The following AEBP2 variants were observed in gnomAD, a reference collection of about 807,000 sequenced individuals.
AEBP2 encodes the protein AE binding protein 2, also known as zinc finger protein AEBP2.
Under a neutral mutation model 50.8 loss-of-function variants are expected in AEBP2, and 10 were observed. The observed-to-expected ratio is 0.20, with a 90% CI of 0.12 to 0.33. AEBP2 has a LOEUF of 0.33. Among genes scored for constraint, AEBP2 ranks in the 10% least tolerant of loss-of-function variants. The pLI, the probability that AEBP2 is intolerant of heterozygous loss-of-function variation, is 1.00. For synonymous variants in AEBP2, 296 were observed against 261.3 expected, an observed-to-expected ratio of 1.13 and a Z score of -1.28; for missense variants, 570 against 688.0, an observed-to-expected ratio of 0.83 and a Z score of 1.92.
At chr12:19,494,936 TCA>T (rs1948949160) in intron 4 of AEBP2, among the ~76,000 whole-genome samples, 1 of 152,128 alleles carries the variant, frequency 6.6e-6, no homozygotes, top group Non-Finnish European at 1.5e-5. Context: ...TGATGGGGTC[TCA>T]CACTGTCGCC....
chr12:19,422,570 C>T (rs187334953), intron 1 of AEBP2, among the ~76,000 whole-genome samples: 67 of 151,872 alleles, frequency 4.4e-4, no homozygotes, highest in African/African-American at 1.6e-3. Context: ...AATATTGGCT[C>T]ACTGCAACGT....
intron 6 of AEBP2, among the ~76,000 whole-genome samples, chr12:19,514,073 C>T (rs1246904281): frequency 6.6e-6 from 1 of 151,524 alleles, no homozygotes; most frequent in African/African-American, 2.4e-5. Flanking sequence ...ACTCTTGGCT[C>T]ACTGCAACCT....
At chr12:19,419,903 C>G (rs1489508055) in intron 1 of AEBP2, among the ~76,000 whole-genome samples, 1 of 152,144 alleles carries the variant, frequency 6.6e-6, no homozygotes, top group African/African-American at 2.4e-5. Context: ...GCGCTCCAGC[C>G]TGGGCCACAG....
At chr12:19,481,127 G>A (rs1473086872) in intron 3 of AEBP2, among the ~76,000 whole-genome samples, 3 of 106,978 alleles carry the variant, frequency 2.8e-5, no homozygotes, top group Middle Eastern at 0.017. Context: ...TTGAGACCGA[G>A]TCTCACTCTG....
At chr12:19,469,380 C>T (rs941088144) in intron 2 of AEBP2, among the ~76,000 whole-genome samples, 5 of 152,070 alleles carry the variant, frequency 3.3e-5, no homozygotes, top group African/African-American at 1.2e-4. Context: ...GATAATATAA[C>T]ATCTTATATT....
At chr12:19,507,026 A>C (rs935783128) in intron 5 of AEBP2, among the ~76,000 whole-genome samples, 5 of 152,168 alleles carry the variant, frequency 3.3e-5, no homozygotes, top group Admixed American at 3.3e-4. Context: ...TCTGTCACTT[A>C]GGCTGATGGC....
At chr12:19,469,812 G>T (rs1007278807) in intron 2 of AEBP2, among the ~76,000 whole-genome samples, 2 of 152,160 alleles carry the variant, frequency 1.3e-5, no homozygotes, top group African/African-American at 4.8e-5. Context: ...TACCATGAGA[G>T]ACTGGACTTG....
intron 3 of AEBP2, among the ~76,000 whole-genome samples, chr12:19,479,021 C>A (rs935402406): frequency 6.6e-6 from 1 of 152,030 alleles, no homozygotes; most frequent in African/African-American, 2.4e-5. Context: ...CCAGCCTGGG[C>A]AACATGGCAA....
chr12:19,453,875 C>G (rs919190550), intron 1 of AEBP2, among the ~76,000 whole-genome samples: 3 of 152,002 alleles, frequency 2.0e-5, no homozygotes, highest in South Asian at 4.2e-4. Context: ...CAGCTCACTG[C>G]AAACTCCACC....
At chr12:19,431,024 A>AAG (rs1412361306) in intron 1 of AEBP2, among the ~76,000 whole-genome samples, 1 of 151,428 alleles carries the variant, frequency 6.6e-6, no homozygotes, top group African/African-American at 2.4e-5. Flanking sequence ...AAAAAAAAAA[A>AAG]GAAAAAAATT....
intron 2 of AEBP2, among the ~76,000 whole-genome samples, chr12:19,470,565 G>C (rs1250874983): frequency 6.6e-6 from 1 of 152,094 alleles, no homozygotes; most frequent in Non-Finnish European, 1.5e-5. Context: ...TGAAGATTTT[G>C]GTTTTTCTTT....
intron 1 of AEBP2, among the ~76,000 whole-genome samples, chr12:19,460,231 A>G (rs1204240662): frequency 6.6e-6 from 1 of 152,130 alleles, no homozygotes; most frequent in African/African-American, 2.4e-5. Context: ...ACCCCTCACA[A>G]TAGGTACATT....
intron 1 of AEBP2, among the ~76,000 whole-genome samples, chr12:19,449,740 C>T: frequency 6.6e-6 from 1 of 152,064 alleles, no homozygotes; most frequent in Middle Eastern, 3.2e-3. Flanking sequence ...TTGGTTTTGG[C>T]TAATGATTTT....
intron 1 of AEBP2, among the ~76,000 whole-genome samples, chr12:19,417,218 C>CA (rs2095743116): frequency 6.6e-6 from 1 of 151,966 alleles, no homozygotes; most frequent in Non-Finnish European, 1.5e-5. Flanking sequence ...TTTTACTTAC[C>CA]ACACACTCCA....
intron 1 of AEBP2, among the ~76,000 whole-genome samples, chr12:19,409,044 G>A (rs942058730): frequency 1.3e-5 from 2 of 151,976 alleles, no homozygotes; most frequent in Admixed American, 6.6e-5. Context: ...CTGGCATAGA[G>A]TTTGGCATAG....
chr12:19,457,214 A>C (rs1948284590), intron 1 of AEBP2: 3 of 1,598,336 alleles, frequency 1.9e-6, no homozygotes, highest in Admixed American at 3.3e-5. Flanking sequence ...CCCAGTGTGT[A>C]AGCCAAAAGG....
intron 1 of AEBP2, among the ~76,000 whole-genome samples, chr12:19,459,614 A>G (rs1250489704): frequency 6.6e-6 from 1 of 152,228 alleles, no homozygotes; most frequent in Non-Finnish European, 1.5e-5. Context: ...TAGTCTTGCA[A>G]CAACAAACAA....
At chr12:19,454,162 T>C (rs1259870795) in intron 1 of AEBP2, among the ~76,000 whole-genome samples, 1 of 152,162 alleles carries the variant, frequency 6.6e-6, no homozygotes, top group Non-Finnish European at 1.5e-5. Flanking sequence ...AGTGCTGGGA[T>C]TAACAGATGT....
Position 19,462,441 on chromosome 12 carries a change from ATATT to A in AEBP2, c.672-65_672-62del, listed in dbSNP as rs1244581051. 9.3e-6 allele frequency: 12 copies of A among 1,296,558 alleles called. 1 individual carries two copies. Among genetic ancestry groups the A allele is most frequent in the East Asian group, 2.5e-5 (1 of 39,516 alleles). 80.3% of individuals were successfully genotyped at this position (1,296,558 alleles called of 1,614,324 possible). A position where few individuals can be genotyped will look rare whatever the true frequency, so the allele number is the denominator to read the frequency against. On this transcript the variant is annotated intron_variant, in intron 1 of 7. Coordinates refer to ENST00000266508, the MANE Select transcript of AEBP2 (RefSeq NM_153207.5). ...AATGTCAAGTGGTAATCTTAATTAA[ATATT>A]TATAAGATCATATTCATGTTAGTGA...
Sources: allele counts gnomAD v4.1 joint callset (sites outside exome capture counted in the v4.1 genomes callset), GRCh38; gene constraint gnomAD v4.1.1; transcripts MANE v1.5; gene names NCBI Gene and HGNC (gene_info 2026-07-23, HGNC 2026-07-21).